Variants in CALHM4 observed in about 807,000 individuals in gnomAD.
CALHM4 encodes calcium homeostasis modulator protein 4.
A neutral mutation model predicts 13.3 loss-of-function variants in CALHM4; 16 were observed. The observed-to-expected ratio is 1.20, with a 90% CI of 0.81 to 1.82. The LOEUF is 1.82. CALHM4 is among the 40% of genes most tolerant of loss of function. The pLI is 0.00. For missense variants in CALHM4, 344 were observed against 374.9 expected, an observed-to-expected ratio of 0.92 and a Z score of 0.68; for synonymous variants, 127 against 137.1, an observed-to-expected ratio of 0.93 and a Z score of 0.52.
At chr6:116,536,920 G>A (rs1773131237) in intron 1 of CALHM4, among the ~76,000 whole-genome samples, 1 of 151,504 alleles carries the variant, frequency 6.6e-6, no homozygotes, top group Admixed American at 6.6e-5. Context: ...AGATAATGCT[G>A]CCACAGGCCC....
At chr6:116,543,964 A>G (rs1010683602) in intron 2 of CALHM4, 20 of 1,076,196 alleles carry the variant, frequency 1.9e-5, no homozygotes, top group South Asian at 9.1e-5. Flanking sequence ...AGAGTAAATT[A>G]TAAATGAAAA....
intron 1 of CALHM4, among the ~76,000 whole-genome samples, chr6:116,556,721 A>G (rs577284834): frequency 1.3e-5 from 2 of 152,344 alleles, no homozygotes; most frequent in Admixed American, 1.3e-4. Context: ...AATGAAAAGA[A>G]AAAAAGGATT....
chr6:116,531,340 A>G (rs1010654696), intron 1 of CALHM4, among the ~76,000 whole-genome samples: 5 of 152,204 alleles, frequency 3.3e-5, no homozygotes, highest in African/African-American at 1.2e-4. Flanking sequence ...CCATGAGGCA[A>G]CAAAAACTGT....
chr6:116,558,204 AACCTTGATT>A lies in CALHM4; in HGVS notation c.941_*4del. 6.2e-7 allele frequency: 1 copy of A among 1,609,770 alleles called. No individual in the cohort carries two copies. The highest frequency in any genetic ancestry group is 1.1e-5 in the South Asian group (1 of 90,860). On this transcript the variant is annotated stop_lost and 3_prime_UTR_variant, in exon 2 of 2. Transcript: ENST00000368596. ...GACAGATCAAGAGGTATTGAATTAA[AACCTTGATT>A]ACAGCACCTTTCATGAGTCAGGTTG...
At chr6:116,554,442 T>A in intron 1 of CALHM4, 91 bp downstream of exon 1, 2 of 1,099,500 alleles carry the variant, frequency 1.8e-6, no homozygotes, top group Non-Finnish European at 2.5e-6. Context: ...CTTCTTATAT[T>A]CTCTGATTAT....
At chr6:116,532,397 C>G (rs982340447) in intron 1 of CALHM4, among the ~76,000 whole-genome samples, 22 of 152,254 alleles carry the variant, frequency 1.4e-4, no homozygotes, top group African/African-American at 5.1e-4. Flanking sequence ...CCACCGCGCC[C>G]GGCCGGTTTT....
intron 2 of CALHM4, among the ~76,000 whole-genome samples, chr6:116,547,408 C>T (rs565738892): frequency 6.6e-6 from 1 of 152,140 alleles, no homozygotes; most frequent in African/African-American, 2.4e-5. Context: ...TAGAAAAAGC[C>T]GGCTTTTACT....
chr6:116,532,798 C>T (rs571917912), intron 1 of CALHM4, among the ~76,000 whole-genome samples: 2 of 152,208 alleles, frequency 1.3e-5, no homozygotes, highest in Non-Finnish European at 2.9e-5. Flanking sequence ...AAAATGCAGA[C>T]TTACATTGCT....
At chr6:116,547,361 T>G (rs12175414) in intron 2 of CALHM4, among the ~76,000 whole-genome samples, 85,365 of 151,950 alleles carry the variant, frequency 0.56, 25,445 homozygotes, top group East Asian at 0.89. Context: ...GGTCACATTA[T>G]GGCCATCGGG....
At chr6:116,535,659 C>G (rs937055121) in intron 1 of CALHM4, among the ~76,000 whole-genome samples, 1 of 152,186 alleles carries the variant, frequency 6.6e-6, no homozygotes, top group Non-Finnish European at 1.5e-5. Context: ...CTGTAAGTAA[C>G]AGTTGAATTA....
chr6:116,553,690 T>C, upstream of CALHM4: 1 of 1,061,658 alleles, frequency 9.4e-7, no homozygotes, highest in Non-Finnish European at 1.3e-6. Flanking sequence ...TTGGATCACT[T>C]GACACAACCA....
chr6:116,529,634 A>G (rs544787370), intron 1 of CALHM4, among the ~76,000 whole-genome samples: 1 of 152,334 alleles, frequency 6.6e-6, no homozygotes, highest in South Asian at 2.1e-4. Flanking sequence ...CAGAAGTTAC[A>G]TGTCATCTGG....
At chr6:116,553,743 G>A (rs1774181622), upstream of CALHM4, 1 of 1,488,426 alleles carries the variant, frequency 6.7e-7, no homozygotes, top group Non-Finnish European at 9.1e-7. Flanking sequence ...AGCTGGTGGA[G>A]TCTAATGATC....
chr6:116,540,365 G>A (rs1392919256), intron 1 of CALHM4: 2 of 1,549,788 alleles, frequency 1.3e-6, no homozygotes, highest in Admixed American at 3.9e-5. Context: ...ATAGTTACCT[G>A]GGCAATTATG....
At chr6:116,557,698 TG>T in intron 1 of CALHM4, 126 bp from the exon 2 acceptor site, 2 of 1,105,936 alleles carry the variant, frequency 1.8e-6, no homozygotes, top group Non-Finnish European at 2.6e-6. Flanking sequence ...ATACTAAAGA[TG>T]GGAAAAGCAA....
chr6:116,533,141 G>A lies in CALHM4; in HGVS notation c.-109+3951G>A, dbSNP rs13207904. Reference sequence around the variant, plus strand: ...ACGGAAGAAAGTATAAATTATTGGCGGGTGATATTCTGGAGTTCTTGGCCA... The same window carrying A: ...ACGGAAGAAAGTATAAATTATTGGCAGGTGATATTCTGGAGTTCTTGGCCA... On this transcript the variant is annotated intron_variant, in intron 1 of 2. Coordinates refer to the CALHM4 transcript ENST00000368597. Among the ~76,000 whole-genome samples the A allele has an allele frequency of 1.6e-3, 238 of 152,196 alleles. 1 individual carries two copies. Among genetic ancestry groups the A allele is most frequent in the Admixed American group, 3.9e-3 (59 of 15,296 alleles).
chr6:116,556,678 T>C, intron 1 of CALHM4, among the ~76,000 whole-genome samples: 1 of 152,198 alleles, frequency 6.6e-6, no homozygotes, highest in East Asian at 1.9e-4. Context: ...TCTCTCACTT[T>C]ACATAAGAAG....
rs373429268 is a variant in CALHM4 at position 116,554,115 on chromosome 6, A to C, written c.322A>C (p.Thr108Pro). The C allele has an allele frequency of 1.9e-6, 3 of 1,550,464 alleles. No homozygotes were observed. In the South Asian group the frequency reaches 3.6e-5, roughly 18 times the overall value. ...KLACLRFFSI[T>P]GRAVIAPLTW... is the part of the protein sequence containing the mutation. ...GGCTTGCCTTAGGTTCTTCAGCATC[A>C]CTGGGAGGGCAGTTATTGCTCCTTT... Residue 108 changes from threonine to proline, a missense_variant, in exon 1 of 2, where the codon ACT becomes CCT. Physicochemically the swap from Thr to Pro is conservative, Grantham distance 38. Coordinates refer to ENST00000368596, the MANE Select transcript of CALHM4 (RefSeq NM_001366078.2).
intron 1 of CALHM4, among the ~76,000 whole-genome samples, chr6:116,539,843 C>T (rs1393130497): frequency 5.3e-5 from 8 of 152,162 alleles, no homozygotes; most frequent in Admixed American, 6.6e-5. Context: ...GGTTTAATTT[C>T]TAATAAAAGT....
Sources: gnomAD v4.1 joint callset for allele counts (sites outside exome capture counted in the v4.1 genomes callset) on GRCh38, gnomAD v4.1.1 for gene constraint, MANE v1.5 for transcripts, NCBI Gene and HGNC (gene_info 2026-07-23, HGNC 2026-07-21) for gene names.